The following TBC1D19 variants were observed in gnomAD, a reference collection of about 807,000 sequenced individuals.
TBC1D19 encodes TBC1 domain family member 19, also known as TBC1 domain family, member 19.
Under a neutral mutation model 89.0 loss-of-function variants are expected in TBC1D19, and 60 were observed. That is an observed-to-expected ratio of 0.67 (90% CI 0.55 to 0.84). The LOEUF is 0.84. Among genes scored for constraint, TBC1D19 ranks in the 40% least tolerant of loss-of-function variants. The pLI, the probability that TBC1D19 is intolerant of heterozygous loss-of-function variation, is 0.00. For missense variants in TBC1D19, 500 were observed against 610.8 expected, an observed-to-expected ratio of 0.82 and a Z score of 1.91; for synonymous variants, 189 against 199.7, an observed-to-expected ratio of 0.95 and a Z score of 0.45.
At chr4:26,583,932 G>A, upstream of TBC1D19, 1 of 492,768 alleles carries the variant, frequency 2.0e-6, no homozygotes, top group Non-Finnish European at 3.7e-6. Context: ...CCATAGACAA[G>A]GCAGGAACAA....
At chr4:26,720,495 G>A (rs766097799) in intron 15 of TBC1D19, among the ~76,000 whole-genome samples, 7 of 151,954 alleles carry the variant, frequency 4.6e-5, no homozygotes, top group African/African-American at 1.2e-4. Flanking sequence ...GCACCTTATT[G>A]TTCTCATAAT....
chr4:26,731,878 G>A (rs1011329554), intron 15 of TBC1D19, among the ~76,000 whole-genome samples: 8 of 152,018 alleles, frequency 5.3e-5, no homozygotes, highest in African/African-American at 1.7e-4. Flanking sequence ...AACCATTTGC[G>A]AGATTTTGAG....
intron 7 of TBC1D19, among the ~76,000 whole-genome samples, chr4:26,651,008 CAAA>C (rs1744328934): frequency 1.3e-5 from 2 of 152,080 alleles, no homozygotes; most frequent in African/African-American, 4.8e-5. Context: ...TCAGGTTTGT[CAAA>C]GATCAGATAG....
intron 9 of TBC1D19, among the ~76,000 whole-genome samples, 189 bp from the exon 10 acceptor site, chr4:26,671,960 A>G (rs529811259): frequency 8.6e-5 from 13 of 151,786 alleles, no homozygotes; most frequent in African/African-American, 3.1e-4. Flanking sequence ...AATGCTCATA[A>G]CTCTGTTTTA....
intron 1 of TBC1D19, among the ~76,000 whole-genome samples, chr4:26,587,878 T>TA (rs1412203941): frequency 3.3e-5 from 5 of 152,186 alleles, no homozygotes; most frequent in Admixed American, 1.3e-4. Context: ...TTGTAGTTTT[T>TA]ATGTTTCAAG....
chr4:26,753,001 G>C (rs928164883), intron 19 of TBC1D19, among the ~76,000 whole-genome samples: 4 of 151,964 alleles, frequency 2.6e-5, no homozygotes, highest in Non-Finnish European at 4.4e-5. Flanking sequence ...TGACCTTTAA[G>C]TTGTCCTGTA....
intron 1 of TBC1D19, among the ~76,000 whole-genome samples, chr4:26,611,054 C>T (rs898502006): frequency 6.6e-5 from 10 of 152,156 alleles, no homozygotes; most frequent in African/African-American, 2.4e-4. Context: ...AACTAATTTA[C>T]ATTCCCACCA....
the TBC1D19 span, among the ~76,000 whole-genome samples, chr4:26,780,808 G>A: frequency 6.6e-6 from 1 of 152,172 alleles, no homozygotes; most frequent in African/African-American, 2.4e-5. Context: ...CATTGGCCTA[G>A]TAAAACTTCA....
At position 26,657,033 on chromosome 4, in the gene TBC1D19, C is replaced by CTCCTTCTCCTTCTCCT. The variant is rs1440150054; in HGVS notation, c.481-2562_481-2561insCTTCTCCTTCTCCTTC. On this transcript the variant is annotated intron_variant, in intron 7 of 20. Transcript: ENST00000264866. Reference sequence around the variant, plus strand: ...TCTCCTTCTCCTTCTCCTTCTCCTTCTCTCTTTCTTCTTCCTCTTCTTGTT... The same window carrying CTCCTTCTCCTTCTCCT: ...TCTCCTTCTCCTTCTCCTTCTCCTTCTCCTTCTCCTTCTCCTTCTCTTTCTTCTTCCTCTTCTTGTT... Among the ~76,000 whole-genome samples, 510 of 108,072 alleles carry CTCCTTCTCCTTCTCCT rather than the reference C, an allele frequency of 4.7e-3. 12 individuals carry two copies. The highest frequency in any genetic ancestry group is 0.015 in the African/African-American group (496 of 32,254). The allele number at this position is 108,072 out of a possible 152,430, so 70.9% of individuals were successfully genotyped here. A position where few individuals can be genotyped will look rare whatever the true frequency, so the allele number is the denominator to read the frequency against.
At chr4:26,702,822 C>T (rs1200949903) in intron 13 of TBC1D19, among the ~76,000 whole-genome samples, 1 of 152,184 alleles carries the variant, frequency 6.6e-6, no homozygotes, top group Non-Finnish European at 1.5e-5. Flanking sequence ...TCAGTCATCT[C>T]CCATGACAGA....
intron 9 of TBC1D19, among the ~76,000 whole-genome samples, chr4:26,669,134 G>A (rs992220944): frequency 4.6e-5 from 7 of 151,628 alleles, no homozygotes; most frequent in African/African-American, 1.5e-4. Flanking sequence ...TTGTCTGAGT[G>A]TACGTAATAA....
chr4:26,771,799 C>T, the TBC1D19 span, among the ~76,000 whole-genome samples: 3 of 152,028 alleles, frequency 2.0e-5, no homozygotes, highest in Non-Finnish European at 4.4e-5. Flanking sequence ...AAGGGTATGT[C>T]TCATGTTAAG....
chr4:26,733,808 G>A (rs879804380), intron 15 of TBC1D19, among the ~76,000 whole-genome samples: 3 of 152,146 alleles, frequency 2.0e-5, no homozygotes, highest in Non-Finnish European at 2.9e-5. Context: ...TAACCCTTTC[G>A]TGAAGTCCGG....
At chr4:26,853,072 T>C in the TBC1D19 span, among the ~76,000 whole-genome samples, 4 of 152,244 alleles carry the variant, frequency 2.6e-5, no homozygotes, top group Non-Finnish European at 5.9e-5. Context: ...TCAGATGCCA[T>C]GATTCTACTC....
chr4:26,744,098 A>G (rs1165197219), intron 18 of TBC1D19, among the ~76,000 whole-genome samples: 4 of 151,528 alleles, frequency 2.6e-5, no homozygotes, highest in South Asian at 4.2e-4. Context: ...TGGGTTATCT[A>G]TTTCTTTTTG....
intron 13 of TBC1D19, among the ~76,000 whole-genome samples, chr4:26,704,183 G>GTT (rs1487985697): frequency 1.3e-5 from 2 of 152,014 alleles, no homozygotes; most frequent in African/African-American, 2.4e-5. Flanking sequence ...TTTAAGTGTT[G>GTT]TAAGTTTTAA....
chr4:26,840,999 T>C, the TBC1D19 span, among the ~76,000 whole-genome samples: 7 of 152,202 alleles, frequency 4.6e-5, no homozygotes, highest in African/African-American at 1.7e-4. Context: ...GGCAGGAAGC[T>C]GAGTGCAGGT....
chr4:26,751,125 C>T (rs78435413), intron 19 of TBC1D19, among the ~76,000 whole-genome samples: 201 of 152,226 alleles, frequency 1.3e-3, no homozygotes, highest in African/African-American at 4.3e-3. Context: ...GGCAAACAAA[C>T]CTGTTCTGTG....
chr4:26,810,812 G>A, the TBC1D19 span, among the ~76,000 whole-genome samples: 2 of 152,180 alleles, frequency 1.3e-5, no homozygotes, highest in Non-Finnish European at 2.9e-5. Flanking sequence ...CCAGAATGCA[G>A]GAACTCTATC....
Sources: gnomAD v4.1 joint callset for allele counts (sites outside exome capture counted in the v4.1 genomes callset) on GRCh38, gnomAD v4.1.1 for gene constraint, MANE v1.5 for transcripts, NCBI Gene and HGNC (gene_info 2026-07-23, HGNC 2026-07-21) for gene names.